PRELID2: variants seen among roughly 807,000 people sequenced by gnomAD.
The protein encoded by PRELID2 is PRELI domain-containing protein 2.
A neutral mutation model predicts 28.4 loss-of-function variants in PRELID2; 25 were observed. That is an observed-to-expected ratio of 0.88 (90% CI 0.64 to 1.23). The LOEUF (loss-of-function observed/expected upper bound fraction) is 1.23. Among genes scored for constraint, PRELID2 ranks in the 50% most tolerant of loss-of-function variants. PRELID2 has a pLI of 0.00. For synonymous variants in PRELID2, 76 were observed against 71.6 expected (o/e 1.06, Z -0.31); for missense variants, 201 against 214.4 (o/e 0.94, Z 0.39).
intron 1 of PRELID2, among the ~76,000 whole-genome samples, chr5:145,727,742 T>C (rs199945536): frequency 6.6e-6 from 1 of 152,150 alleles, no homozygotes; most frequent in South Asian, 2.1e-4. Flanking sequence ...TACAAATAGA[T>C]GGTGATGTCT....
At chr5:145,803,043 G>A (rs1057416820) in intron 4 of PRELID2, among the ~76,000 whole-genome samples, 1 of 152,118 alleles carries the variant, frequency 6.6e-6, no homozygotes, top group African/African-American at 2.4e-5. Context: ...TCTAATTAAA[G>A]TGTCTTTGAG....
chr5:145,329,378 C>A, the PRELID2 span, among the ~76,000 whole-genome samples: 3 of 151,914 alleles, frequency 2.0e-5, no homozygotes, highest in East Asian at 5.8e-4. Context: ...GGCAGTATGG[C>A]CATTTTTACA....
the PRELID2 span, among the ~76,000 whole-genome samples, chr5:145,372,373 T>G: frequency 6.6e-6 from 1 of 151,960 alleles, no homozygotes; most frequent in Non-Finnish European, 1.5e-5. Flanking sequence ...AATTACATGG[T>G]CAATTTTAGA....
intron 1 of PRELID2, among the ~76,000 whole-genome samples, chr5:145,546,688 T>C (rs1752791193): frequency 6.6e-6 from 1 of 152,220 alleles, no homozygotes; most frequent in Non-Finnish European, 1.5e-5. Flanking sequence ...CTTTCTCTCC[T>C]GCCATGATTC....
At position 145,596,536 on chromosome 5, in the gene PRELID2, CCTGCTCATCAAACTCTAAGA is replaced by C. The variant is rs537938101; in HGVS notation, n.71-123241_71-123222del. Among the ~76,000 whole-genome samples, 511 of 152,094 alleles carry C rather than the reference CCTGCTCATCAAACTCTAAGA, an allele frequency of 3.4e-3. 2 individuals are homozygous for C. Among genetic ancestry groups the C allele is most frequent in the Admixed American group, 3.7e-3 (57 of 15,274 alleles). On this transcript the variant is annotated intron_variant and non_coding_transcript_variant, in intron 1 of 2. Transcript: ENST00000510259. ...TGAAAACCAGGTTCTTGTTGTTGTT[CCTGCTCATCAAACTCTAAGA>C]CTGCTCATCAAACTCTAAGACCAAG...
At chr5:145,298,602 T>C in the PRELID2 span, among the ~76,000 whole-genome samples, 5 of 152,128 alleles carry the variant, frequency 3.3e-5, no homozygotes, top group Non-Finnish European at 7.4e-5. Flanking sequence ...GGGCCCCTTA[T>C]GTCTCTTGGC....
intron 1 of PRELID2, among the ~76,000 whole-genome samples, chr5:145,503,418 A>G (rs777360955): frequency 6.6e-6 from 1 of 152,180 alleles, no homozygotes; most frequent in Non-Finnish European, 1.5e-5. Flanking sequence ...ACAGAACGTG[A>G]TATCAGTGTT....
Position 145,721,850 on chromosome 5 carries a change from A to G in PRELID2, n.70+43081T>C, listed in dbSNP as rs1755999322. ...GAATGCCAACCAGAAAAACCTTTTAATGTAACAAAAAAGCACTTTAATGTT... is the reference window on the plus strand; with the variant it reads ...GAATGCCAACCAGAAAAACCTTTTAGTGTAACAAAAAAGCACTTTAATGTT... On this transcript the variant is annotated intron_variant and non_coding_transcript_variant, in intron 1 of 2. Coordinates refer to the PRELID2 transcript ENST00000510259. Among the ~76,000 whole-genome samples, 4 of 152,308 alleles carry G rather than the reference A, an allele frequency of 2.6e-5. No individual in the cohort carries two copies. In the South Asian group the frequency reaches 8.3e-4, roughly 32 times the overall value.
chr5:145,444,879 G>A, the PRELID2 span, among the ~76,000 whole-genome samples: 52 of 151,990 alleles, frequency 3.4e-4, no homozygotes, highest in African/African-American at 9.4e-4. Context: ...AGCTTATATC[G>A]TGGTGGGAAA....
At chr5:145,746,965 A>C (rs1757006145) in intron 1 of PRELID2, among the ~76,000 whole-genome samples, 1 of 152,206 alleles carries the variant, frequency 6.6e-6, no homozygotes, top group African/African-American at 2.4e-5. Flanking sequence ...GCAGAAACCA[A>C]GAAGTTCTTT....
At chr5:145,331,156 C>T in the PRELID2 span, among the ~76,000 whole-genome samples, 1 of 151,886 alleles carries the variant, frequency 6.6e-6, no homozygotes, top group Non-Finnish European at 1.5e-5. Context: ...TTATGATTTC[C>T]ATTCTTTTGC....
At chr5:145,815,477 C>T (rs1256642439) in intron 4 of PRELID2, among the ~76,000 whole-genome samples, 2 of 152,160 alleles carry the variant, frequency 1.3e-5, no homozygotes, top group Middle Eastern at 3.2e-3. Context: ...TTAGTATATT[C>T]GCAGAGTTCT....
the PRELID2 span, among the ~76,000 whole-genome samples, chr5:145,276,556 C>T: frequency 6.6e-6 from 1 of 152,046 alleles, no homozygotes; most frequent in Admixed American, 6.6e-5. Flanking sequence ...AGTGTAATCT[C>T]CTCCCCCTCT....
chr5:145,414,372 C>T, the PRELID2 span, among the ~76,000 whole-genome samples: 7 of 152,162 alleles, frequency 4.6e-5, no homozygotes, highest in South Asian at 1.0e-3. Flanking sequence ...ACCACCACAA[C>T]GAAAGTAACC....
chr5:145,670,909 C>G (rs1169501513), intron 1 of PRELID2, among the ~76,000 whole-genome samples: 3 of 152,168 alleles, frequency 2.0e-5, no homozygotes, highest in Non-Finnish European at 2.9e-5. Flanking sequence ...AAAGCCCAAG[C>G]CTTGCAACTT....
chr5:145,714,427 T>C (rs1755787975), intron 1 of PRELID2, among the ~76,000 whole-genome samples: 1 of 152,096 alleles, frequency 6.6e-6, no homozygotes, highest in African/African-American at 2.4e-5. Flanking sequence ...GTATCTTCCC[T>C]CCAGGTCAAT....
At chr5:145,709,417 C>T (rs1045482022) in intron 1 of PRELID2, among the ~76,000 whole-genome samples, 8 of 152,128 alleles carry the variant, frequency 5.3e-5, no homozygotes. Context: ...TGGGAGACAG[C>T]AGGAGCAGGG....
At chr5:145,798,972 T>C (rs1304174315) in intron 4 of PRELID2, among the ~76,000 whole-genome samples, 1 of 151,822 alleles carries the variant, frequency 6.6e-6, no homozygotes. Flanking sequence ...TGTATACCTA[T>C]GCATCAAACC....
the PRELID2 span, among the ~76,000 whole-genome samples, chr5:145,424,172 G>T: frequency 6.6e-6 from 1 of 151,828 alleles, no homozygotes; most frequent in Admixed American, 6.6e-5. Flanking sequence ...GTCTGCAGAG[G>T]TTACTGCTGT....
Sources: gnomAD v4.1 joint callset for allele counts (sites outside exome capture counted in the v4.1 genomes callset) on GRCh38, gnomAD v4.1.1 for gene constraint, MANE v1.5 for transcripts, NCBI Gene and HGNC (gene_info 2026-07-23, HGNC 2026-07-21) for gene names.